LAMC3: variants seen among roughly 807,000 people sequenced by gnomAD.
The protein encoded by LAMC3 is laminin subunit gamma-3.
LAMC3 carries 128 observed loss-of-function variants against 173.8 expected under a neutral mutation model. The ratio of observed to expected loss-of-function variants is 0.74; its 90% CI spans 0.64 to 0.85. LAMC3 has a LOEUF of 0.85. Among genes scored for constraint, LAMC3 ranks in the 40% least tolerant of loss-of-function variants. LAMC3 has a pLI of 0.00. For synonymous variants in LAMC3, 897 were observed against 909.1 expected (o/e 0.99, Z 0.24); for missense variants, 2,022 against 2,156.0 (o/e 0.94, Z 1.23).
intron 1 of LAMC3, among the ~76,000 whole-genome samples, chr9:131,019,209 C>A (rs1429294148): frequency 2.0e-5 from 3 of 152,170 alleles, no homozygotes; most frequent in Non-Finnish European, 4.4e-5. Flanking sequence ...TTGAAGTGAG[C>A]CAAGATCACG....
intron 1 of LAMC3, among the ~76,000 whole-genome samples, chr9:131,014,546 G>A (rs1348061025): frequency 2.6e-5 from 4 of 152,224 alleles, no homozygotes; most frequent in East Asian, 1.9e-4. Flanking sequence ...GTCTGTTTAC[G>A]TCCATCCCTA....
chr9:131,084,035 C>T (rs745815352), intron 24 of LAMC3, among the ~76,000 whole-genome samples: 6 of 127,814 alleles, frequency 4.7e-5, no homozygotes, highest in South Asian at 2.5e-4. Flanking sequence ...CCACCACACC[C>T]GGCATTTTTT....
chr9:131,089,179 G>A lies in LAMC3; in HGVS notation c.4477+1362G>A, dbSNP rs1299312000. ...ATCACACACTGGGGCCTGTCATCGG[G>A]TGGGGGGAGGGGGGAGGGATAGCAT... On this transcript the variant is annotated intron_variant, in intron 27 of 27. Transcript: ENST00000361069. Among the ~76,000 whole-genome samples the A allele has an allele frequency of 3.4e-5, 4 of 116,654 alleles. 1 individual carries two copies. Among genetic ancestry groups the A allele is most frequent in the African/African-American group, 3.3e-5 (1 of 30,244 alleles). The allele number at this position is 116,654 out of a possible 152,430, so 76.5% of individuals were successfully genotyped here.
At chr9:131,066,431 C>T (rs1439900522) in intron 13 of LAMC3, among the ~76,000 whole-genome samples, 1 of 151,808 alleles carries the variant, frequency 6.6e-6, no homozygotes. Flanking sequence ...GCAGAGGTTG[C>T]AGTGAGCCGA....
At chr9:131,091,280 A>G (rs1369593555) in intron 27 of LAMC3, among the ~76,000 whole-genome samples, 2 of 152,256 alleles carry the variant, frequency 1.3e-5, no homozygotes, top group Non-Finnish European at 2.9e-5. Context: ...TTTAACAATA[A>G]TAGTAAAACC....
In LAMC3 at chr9:131,077,141, G is replaced by A. The variant is rs771888485; in HGVS notation, c.3630-46G>A. On this transcript the variant is annotated intron_variant, in intron 21 of 27. Coordinates refer to ENST00000361069, the MANE Select transcript of LAMC3 (RefSeq NM_006059.4). Reference sequence around the variant, plus strand: ...AGCCTGGGGCCCAGACAGGGATGGGGAGGGCTAGTTCTGCACCCAGCTCCG... The same window carrying A: ...AGCCTGGGGCCCAGACAGGGATGGGAAGGGCTAGTTCTGCACCCAGCTCCG... 2.5e-6 allele frequency: 4 copies of A among 1,609,786 alleles called. No individual in the cohort carries two copies. The South Asian group carries it at 4.4e-5, about 18-fold the overall frequency.
chr9:131,071,911 C>A (rs1211955087), intron 18 of LAMC3, among the ~76,000 whole-genome samples: 1 of 152,208 alleles, frequency 6.6e-6, no homozygotes, highest in Non-Finnish European at 1.5e-5. Flanking sequence ...CTGGGAGGGT[C>A]TTGCTGTCTT....
chr9:131,043,176 C>T (rs1373848866), intron 7 of LAMC3, among the ~76,000 whole-genome samples: 20 of 152,208 alleles, frequency 1.3e-4, no homozygotes. Flanking sequence ...ACAAATGGGG[C>T]ATCTGAAGCT....
chr9:131,018,987 G>A (rs529961410), intron 1 of LAMC3, among the ~76,000 whole-genome samples: 2 of 152,348 alleles, frequency 1.3e-5, no homozygotes, highest in African/African-American at 4.8e-5. Context: ...TCTCATCTGG[G>A]CACGGTGGCT....
intron 15 of LAMC3, among the ~76,000 whole-genome samples, chr9:131,068,667 A>G (rs1306040732): frequency 6.6e-6 from 1 of 152,156 alleles, no homozygotes; most frequent in Admixed American, 6.5e-5. Context: ...ACAGAGGGGT[A>G]TAGTCTCCCC....
intron 14 of LAMC3, 83 bp from the exon 15 acceptor site, chr9:131,067,995 T>C: frequency 6.9e-7 from 1 of 1,446,738 alleles, no homozygotes; most frequent in East Asian, 2.3e-5. Context: ...GGCTCCCCCA[T>C]CTCCTCTGCC....
chr9:131,038,354 C>A (rs544418398), intron 4 of LAMC3, among the ~76,000 whole-genome samples: 1 of 152,340 alleles, frequency 6.6e-6, no homozygotes, highest in Admixed American at 6.5e-5. Flanking sequence ...CATGGATCCA[C>A]CCCTGAGCTC....
rs550191098 is a variant in LAMC3, at chr9:131,083,737, T to C, written c.4030+1576T>C. On this transcript the variant is annotated intron_variant, in intron 24 of 27. Coordinates refer to ENST00000361069, the MANE Select transcript of LAMC3 (RefSeq NM_006059.4). Reference sequence around the variant, plus strand: ...CACAATACATGCTGAGAAACATCAATTTTGTGTACAAGGAGCAAAGCAGGT... The same window carrying C: ...CACAATACATGCTGAGAAACATCAACTTTGTGTACAAGGAGCAAAGCAGGT... 3.3e-5 allele frequency among the ~76,000 whole-genome samples: 5 copies of C among 152,288 alleles called. No homozygotes were observed. The East Asian group carries it at 9.6e-4, about 29-fold the overall frequency.
chr9:131,090,397 C>G (rs1357747772), intron 27 of LAMC3, among the ~76,000 whole-genome samples: 1 of 152,232 alleles, frequency 6.6e-6, no homozygotes, highest in Non-Finnish European at 1.5e-5. Context: ...GGCTGTAATC[C>G]ATTTCTGAAT....
intron 1 of LAMC3, among the ~76,000 whole-genome samples, chr9:131,016,740 A>G (rs1485976937): frequency 1.3e-5 from 2 of 152,230 alleles, no homozygotes; most frequent in East Asian, 1.9e-4. Flanking sequence ...ACAAGTTGGT[A>G]TATGTGGAAT....
rs1241503869 is a variant in LAMC3, at chr9:131,009,352, G to A, written c.138G>A (p.Arg46=). ...TGTTCGAGAACGCGGCGTTTGGGCG[G>A]CTCGCCCAGGCCTCGCACACGTGCG... ...LPVFENAAFG[R]LAQASHTCGS... The change falls in exon 1 of 28, where the codon CGG becomes CGA. Residue 46 remains arginine, a synonymous_variant. Coordinates refer to ENST00000361069, the MANE Select transcript of LAMC3 (RefSeq NM_006059.4). The surrounding 1 kb of genome is among the most constrained non-coding windows in gnomAD (Gnocchi z 4.3). 1.3e-6 allele frequency: 2 copies of A among 1,499,894 alleles called. No homozygotes were observed. The highest frequency in any genetic ancestry group is 2.8e-5 in the East Asian group (1 of 35,838). 92.9% of individuals were successfully genotyped at this position (1,499,894 alleles called of 1,614,324 possible).
intron 1 of LAMC3, among the ~76,000 whole-genome samples, chr9:131,018,407 T>C (rs907870557): frequency 6.6e-6 from 1 of 151,944 alleles, no homozygotes; most frequent in Non-Finnish European, 1.5e-5. Flanking sequence ...AGTGCTGGGA[T>C]TACAGGTGTG....
intron 22 of LAMC3, 42 bp from the exon 23 acceptor site, chr9:131,079,107 C>A (rs773157932): frequency 3.1e-6 from 5 of 1,605,004 alleles, no homozygotes; most frequent in Non-Finnish European, 4.3e-6. Context: ...GCTGCTTGCC[C>A]TTCCTTTCCA....
At chr9:131,040,190 T>C (rs913835220) in intron 6 of LAMC3, among the ~76,000 whole-genome samples, 1 of 151,788 alleles carries the variant, frequency 6.6e-6, no homozygotes, top group Non-Finnish European at 1.5e-5. Flanking sequence ...CTCTATTTTT[T>C]TTTTTAAGAT....
Sources: allele counts gnomAD v4.1 joint callset (sites outside exome capture counted in the v4.1 genomes callset), GRCh38; gene constraint gnomAD v4.1.1; non-coding constraint Gnocchi (gnomAD v3.1); transcripts MANE v1.5; gene names NCBI Gene and HGNC (gene_info 2026-07-23, HGNC 2026-07-21).